The following ZNF469 variants were observed in gnomAD, a reference collection of about 807,000 sequenced individuals.
The protein encoded by ZNF469 is zinc finger protein 469.
Under a neutral mutation model 1.0 loss-of-function variants are expected in ZNF469, and 1 was observed. That is an observed-to-expected ratio of 1.00 (90% CI 0.35 to 4.73). The LOEUF is 4.73. Among genes scored for constraint, ZNF469 ranks in the 30% most tolerant of loss-of-function variants. ZNF469 has a pLI of 0.16. For synonymous variants in ZNF469, 2,703 were observed against 2,363.4 expected, an observed-to-expected ratio of 1.14 and a Z score of -4.17; for missense variants, 6,100 against 5,356.3, an observed-to-expected ratio of 1.14 and a Z score of -4.33.
At chr16:88,369,863 G>A in the ZNF469 span, among the ~76,000 whole-genome samples, 9 of 152,118 alleles carry the variant, frequency 5.9e-5, no homozygotes, top group Non-Finnish European at 7.3e-5. Context: ...TCAACAATCC[G>A]TCCCCACCGC....
At chr16:88,307,846 A>T in the ZNF469 span, among the ~76,000 whole-genome samples, 1 of 152,162 alleles carries the variant, frequency 6.6e-6, no homozygotes, top group African/African-American at 2.4e-5. Context: ...TAATTTTGAG[A>T]AAGTCCAGTT....
the ZNF469 span, among the ~76,000 whole-genome samples, chr16:88,247,596 ACGAG>A: frequency 1.3e-4 from 16 of 126,168 alleles, no homozygotes; most frequent in Non-Finnish European, 1.9e-4. Context: ...GACTGAGTGA[ACGAG>A]TGAGTGAGTG....
At chr16:88,367,801 G>A in the ZNF469 span, among the ~76,000 whole-genome samples, 46 of 152,024 alleles carry the variant, frequency 3.0e-4, no homozygotes, top group Non-Finnish European at 5.4e-4. Context: ...CTGGAATTCC[G>A]AACAATTCCA....
At chr16:88,175,526 C>T in the ZNF469 span, among the ~76,000 whole-genome samples, 2 of 152,162 alleles carry the variant, frequency 1.3e-5, no homozygotes, top group Admixed American at 6.5e-5. Context: ...AACTAGTTAT[C>T]AGTAACAGAA....
chr16:88,130,677 G>A, the ZNF469 span, among the ~76,000 whole-genome samples: 2 of 139,954 alleles, frequency 1.4e-5, no homozygotes, highest in African/African-American at 5.4e-5. Flanking sequence ...TTGCACTCCA[G>A]CCTGGGCCAC....
At chr16:88,254,702 G>A in the ZNF469 span, among the ~76,000 whole-genome samples, 7 of 152,174 alleles carry the variant, frequency 4.6e-5, no homozygotes, top group Non-Finnish European at 8.8e-5. Flanking sequence ...AGGTTGCAGT[G>A]AGCCAAGATT....
At chr16:88,169,492 C>G in the ZNF469 span, among the ~76,000 whole-genome samples, 1 of 152,188 alleles carries the variant, frequency 6.6e-6, no homozygotes, top group African/African-American at 2.4e-5. The surrounding 1 kb of genome is among the most constrained non-coding windows in gnomAD (Gnocchi z 6.1). Context: ...CAGTACGCAA[C>G]CTTTCACCTA....
At chr16:88,259,973 T>G in the ZNF469 span, among the ~76,000 whole-genome samples, 9 of 152,122 alleles carry the variant, frequency 5.9e-5, no homozygotes, top group Non-Finnish European at 2.9e-5. The surrounding 1 kb of genome is among the most constrained non-coding windows in gnomAD (Gnocchi z 4.1). Flanking sequence ...CACTTTTTTT[T>G]TGTTTTTTTG....
chr16:88,203,469 C>T, the ZNF469 span, among the ~76,000 whole-genome samples: 5,359 of 149,870 alleles, frequency 0.036, 258 homozygotes, highest in East Asian at 0.19. Flanking sequence ...GGAGCTGCGG[C>T]ATCAAAACAC....
At chr16:88,254,215 A>G in the ZNF469 span, among the ~76,000 whole-genome samples, 1 of 152,204 alleles carries the variant, frequency 6.6e-6, no homozygotes, top group East Asian at 1.9e-4. Context: ...GTAGAGATTT[A>G]TTTCCTTCCA....
At chr16:88,250,504 C>A in the ZNF469 span, among the ~76,000 whole-genome samples, 1 of 152,158 alleles carries the variant, frequency 6.6e-6, no homozygotes, top group Non-Finnish European at 1.5e-5. Context: ...ATTCTTAGAA[C>A]TGTAAATTTA....
At chr16:88,230,619 C>T in the ZNF469 span, among the ~76,000 whole-genome samples, 80 of 17,092 alleles carry the variant, frequency 4.7e-3, 2 homozygotes, top group African/African-American at 6.8e-3. Context: ...CCCCCTCTCC[C>T]GCCAGAGAGT....
chr16:88,267,814 C>T, the ZNF469 span, among the ~76,000 whole-genome samples: 4 of 152,034 alleles, frequency 2.6e-5, no homozygotes, highest in African/African-American at 7.3e-5. Context: ...GATAATGCAG[C>T]GATGAGTGTC....
chr16:88,390,993 T>C (rs1450601998), intron 1 of ZNF469, among the ~76,000 whole-genome samples: 1 of 152,158 alleles, frequency 6.6e-6, no homozygotes, highest in Non-Finnish European at 1.5e-5. Flanking sequence ...CAGGCCCGGG[T>C]GAATGGCCCG....
At chr16:88,369,333 C>T in the ZNF469 span, among the ~76,000 whole-genome samples, 2 of 152,230 alleles carry the variant, frequency 1.3e-5, 1 homozygote, top group South Asian at 4.1e-4. Flanking sequence ...ACATGCAAAT[C>T]CACCTGTTGG....
In ZNF469 at chr16:88,427,355, G is replaced by A; in HGVS notation, c.-116G>A. 8.8e-7 allele frequency: 1 copy of A among 1,140,708 alleles called. No homozygotes were observed. The highest frequency in any genetic ancestry group is 1.2e-6 in the Non-Finnish European group (1 of 836,558). 70.7% of individuals were successfully genotyped at this position (1,140,708 alleles called of 1,614,324 possible). A position where few individuals can be genotyped will look rare whatever the true frequency, so the allele number is the denominator to read the frequency against. On this transcript the variant is annotated 5_prime_UTR_variant, in exon 3 of 3. Transcript: ENST00000565624. ...GACCTTTCCTTCCAGGCTCCACTCA[G>A]GACCATGAGCGCAGGCTTCCCTGGG... is the stretch of plus-strand genomic sequence containing the variant.
At chr16:88,145,248 C>T in the ZNF469 span, among the ~76,000 whole-genome samples, 3 of 152,302 alleles carry the variant, frequency 2.0e-5, no homozygotes, top group East Asian at 1.9e-4. Flanking sequence ...TGCAGTCAAC[C>T]GACTAGCATT....
At chr16:88,279,012 TATC>T in the ZNF469 span, among the ~76,000 whole-genome samples, 1 of 151,488 alleles carries the variant, frequency 6.6e-6, no homozygotes, top group Non-Finnish European at 1.5e-5. Context: ...ACCATGTAGA[TATC>T]ATTAGTGCTG....
upstream of ZNF469, among the ~76,000 whole-genome samples, chr16:88,379,566 G>A (rs191934979): frequency 2.2e-3 from 340 of 152,240 alleles, 1 homozygote; most frequent in Middle Eastern, 0.01. Context: ...CTGCCCCCAG[G>A]AGGGTGCTGA....
Sources: gnomAD v4.1 joint callset for allele counts (sites outside exome capture counted in the v4.1 genomes callset) on GRCh38, gnomAD v4.1.1 for gene constraint, Gnocchi (gnomAD v3.1) non-coding constraint, MANE v1.5 for transcripts, NCBI Gene and HGNC (gene_info 2026-07-23, HGNC 2026-07-21) for gene names.